C11orf54: variants seen among roughly 807,000 people sequenced by gnomAD.
C11orf54 encodes the protein beta-keto-L-gulonate decarboxylase, also known as beta-keto L-gulonate decarboxylase.
Under a neutral mutation model 35.5 loss-of-function variants are expected in C11orf54, and 29 were observed. That is an observed-to-expected ratio of 0.82 (90% CI 0.61 to 1.11). C11orf54 has a LOEUF of 1.11. C11orf54 is among the 50% of genes most tolerant of loss of function. C11orf54 has a pLI of 0.00. For synonymous variants in C11orf54, 108 were observed against 121.1 expected (o/e 0.89, Z 0.71); for missense variants, 373 against 369.2 (o/e 1.01, Z -0.08).
chr11:93,751,444 C>T (rs1942823502), intron 3 of C11orf54, among the ~76,000 whole-genome samples: 2 of 138,002 alleles, frequency 1.4e-5, no homozygotes, highest in Non-Finnish European at 3.0e-5. Flanking sequence ...CTCACTCTGT[C>T]ACCAGGCTGG....
chr11:93,747,264 TTA>T, intron 1 of C11orf54, 31 bp from the exon 2 acceptor site: 1 of 582,846 alleles, frequency 1.7e-6, no homozygotes, highest in East Asian at 3.1e-5. Flanking sequence ...TTTGTTCTGT[TTA>T]TATGTTTGAA....
At chr11:93,749,504 C>CAAAAAAAAA (rs10624807) in intron 2 of C11orf54, among the ~76,000 whole-genome samples, 2 of 71,742 alleles carry the variant, frequency 2.8e-5, no homozygotes, top group Non-Finnish European at 2.4e-5. Context: ...GACTCTGTCT[C>CAAAAAAAAA]AAAAAAAAAA....
chr11:93,751,818 A>AACTT (rs2135614257), intron 3 of C11orf54, among the ~76,000 whole-genome samples: 2 of 135,264 alleles, frequency 1.5e-5, no homozygotes, highest in South Asian at 4.5e-4. Context: ...AAAATGGTTA[A>AACTT]TCTTTTTTTT....
At chr11:93,756,724 C>T (rs1248769935) in intron 6 of C11orf54, among the ~76,000 whole-genome samples, 1 of 152,074 alleles carries the variant, frequency 6.6e-6, no homozygotes, top group Non-Finnish European at 1.5e-5. Context: ...GTAAGGAAAA[C>T]TAATGCCTTA....
rs1326249051 is a variant in C11orf54 at position 93,763,321 on chromosome 11, A to G, written c.*1633A>G. 6.6e-6 allele frequency: 1 copy of G among 152,210 alleles called. No individual in the cohort carries two copies. Among genetic ancestry groups the G allele is most frequent in the Non-Finnish European group, 1.5e-5 (1 of 68,046 alleles). The allele number at this position is 152,210 out of a possible 1,614,324, so 9.4% of individuals were successfully genotyped here. A position where few individuals can be genotyped will look rare whatever the true frequency, so the allele number is the denominator to read the frequency against. On this transcript the variant is annotated 3_prime_UTR_variant, in exon 9 of 9. Coordinates refer to ENST00000354421, the MANE Select transcript of C11orf54 (RefSeq NM_001286069.2). ...AGTGGGGAAGACAAACAATAAATAT[A>G]TAATATGTCAGGTGGTATTAAATGC...
chr11:93,754,980 G>T (rs1426385478), intron 5 of C11orf54: 9 of 339,756 alleles, frequency 2.6e-5, no homozygotes. Flanking sequence ...CTCGTGATCC[G>T]CCCCCCTTGG....
rs551779579 is a variant in C11orf54, at chr11:93,750,636, G to A, written c.154+192G>A. The stretch of plus-strand genomic sequence containing the variant: ...TTTCATTTCATACTCTTGTGGAAAA[G>A]GATTGTGTTTTATTCACTTATGTAA... On this transcript the variant is annotated intron_variant, in intron 3 of 8. Transcript: ENST00000354421. Among the ~76,000 whole-genome samples the A allele has an allele frequency of 5.3e-4, 80 of 152,234 alleles. No individual in the cohort carries two copies. In the Middle Eastern group the frequency reaches 0.01, roughly 19 times the overall value.
chr11:93,746,031 T>A (rs866865031), intron 1 of C11orf54: 9 of 152,200 alleles, frequency 5.9e-5, no homozygotes, highest in African/African-American at 2.2e-4. Context: ...GGAGATTAGA[T>A]TACATGTATT....
At chr11:93,759,932 G>A (rs1943368463) in intron 8 of C11orf54, 74 bp downstream of exon 8, 1 of 920,124 alleles carries the variant, frequency 1.1e-6, no homozygotes, top group Non-Finnish European at 1.6e-6. Flanking sequence ...TTAAGAACTA[G>A]GCACTTTTGT....
In C11orf54 at chr11:93,763,867, G is replaced by T. The variant is rs1943566084; in HGVS notation, c.*2179G>T. Reference sequence around the variant, plus strand: ...GGAAAGCAGGGCAGCTCCTAAGCAGGATTTGACAACAGGGAAGGAGACTGA... The same window carrying T: ...GGAAAGCAGGGCAGCTCCTAAGCAGTATTTGACAACAGGGAAGGAGACTGA... On this transcript the variant is annotated 3_prime_UTR_variant, in exon 9 of 9. Transcript: ENST00000354421. The T allele has an allele frequency of 6.6e-6, 1 of 152,412 alleles. No homozygotes were observed. The highest frequency in any genetic ancestry group is 2.1e-4 in the South Asian group (1 of 4,832). The allele number at this position is 152,412 out of a possible 1,614,324, so 9.4% of individuals were successfully genotyped here.
Position 93,759,784 on chromosome 11 carries a change from G to A in C11orf54, c.700G>A (p.Val234Met), listed in dbSNP as rs746137441. The change falls in exon 8 of 9, where the codon GTG (valine) becomes ATG (methionine). Residue 234 changes from valine (V) to methionine (M), a missense_variant. Transcript: ENST00000354421. ...CTGCCCCTTGAACTCTGATGAAGAA[G>A]TGAATAAATGGTTGCATTTTTATGA... ...SSCPLNSDEE[V>M]NKWLHFYEMK... is the part of the protein sequence containing the mutation. 1.9e-6 allele frequency: 3 copies of A among 1,609,952 alleles called. No individual in the cohort carries two copies. Among genetic ancestry groups the A allele is most frequent in the African/African-American group, 1.3e-5 (1 of 75,004 alleles).
intron 8 of C11orf54, among the ~76,000 whole-genome samples, chr11:93,760,382 C>G (rs978694685): frequency 6.6e-6 from 1 of 152,122 alleles, no homozygotes; most frequent in African/African-American, 2.4e-5. Flanking sequence ...TTAAATAACA[C>G]CCAAAATTAT....
rs1942533142 is a variant in C11orf54, at chr11:93,747,391, A to G, written c.-3A>G. 1 of 1,597,602 alleles carries G rather than the reference A, an allele frequency of 6.3e-7. No individual in the cohort carries two copies. The highest frequency in any genetic ancestry group is 1.1e-5 in the South Asian group (1 of 88,156). ...CCAACCTCACACCTAAAGAAGAAAG[A>G]AAATGGCTTGTGCTGAGTTTTCTTT... On this transcript the variant is annotated 5_prime_UTR_variant, in exon 2 of 9. Transcript: ENST00000354421.
In C11orf54 at chr11:93,757,480, G is replaced by C. The variant is rs758852457; in HGVS notation, c.657+15G>C. On this transcript the variant is annotated intron_variant, in intron 7 of 8. Coordinates refer to ENST00000354421, the MANE Select transcript of C11orf54 (RefSeq NM_001286069.2). ...CTCACATTATGGTAAGAGCCCATGT[G>C]TGCATACATGCATGAAGGAGTTTGT... 11 of 1,591,774 alleles carry C rather than the reference G, an allele frequency of 6.9e-6. No homozygotes were observed. Among genetic ancestry groups the C allele is most frequent in the Non-Finnish European group, 9.3e-6 (11 of 1,177,336 alleles).
chr11:93,745,550 C>T (rs2135578142), intron 1 of C11orf54, among the ~76,000 whole-genome samples: 1 of 152,342 alleles, frequency 6.6e-6, no homozygotes, highest in South Asian at 2.1e-4. Flanking sequence ...TTAACAGCAT[C>T]TCAAAGCAAA....
Position 93,755,191 on chromosome 11 carries a change from T to C in C11orf54, c.331-19T>C. 2 of 1,610,416 alleles carry C rather than the reference T, an allele frequency of 1.2e-6. No homozygotes were observed. The highest frequency in any genetic ancestry group is 1.7e-6 in the Non-Finnish European group (2 of 1,177,154). On this transcript the variant is annotated intron_variant, in intron 5 of 8. Transcript: ENST00000354421. The stretch of plus-strand genomic sequence containing the variant: ...TGCAGAGATACAAAGATTGACTAAT[T>C]GCCTCACTTTCTTTTCAGTTTATGC...
At chr11:93,758,447 AGCTGCCCAAACCGTG>A (rs1156890348) in intron 7 of C11orf54, among the ~76,000 whole-genome samples, 2 of 152,222 alleles carry the variant, frequency 1.3e-5, no homozygotes, top group Non-Finnish European at 2.9e-5. Flanking sequence ...ACACAGCTGC[AGCTGCCCAAACCGTG>A]GCTGCGGACC....
At position 93,755,553 on chromosome 11, in the gene C11orf54, C is replaced by G. The variant is rs535831042; in HGVS notation, c.507+167C>G. Among the ~76,000 whole-genome samples, 3 of 151,860 alleles carry G rather than the reference C, an allele frequency of 2.0e-5. No homozygotes were observed. In the South Asian group the frequency reaches 6.2e-4, roughly 32 times the overall value. On this transcript the variant is annotated intron_variant, in intron 6 of 8. Coordinates refer to ENST00000354421, the MANE Select transcript of C11orf54 (RefSeq NM_001286069.2). ...TCAACTTGAGGTCAGGAGTTCAAGA[C>G]CAGCCTGGTCAACATGGTGAAACCC...
intron 3 of C11orf54, among the ~76,000 whole-genome samples, chr11:93,752,904 G>A (rs1359109061): frequency 2.6e-5 from 4 of 151,828 alleles, no homozygotes; most frequent in African/African-American, 9.7e-5. Context: ...TGAGTAGTAC[G>A]CCCGGCTAAT....
Sources: allele counts gnomAD v4.1 joint callset (sites outside exome capture counted in the v4.1 genomes callset), GRCh38; gene constraint gnomAD v4.1.1; transcripts MANE v1.5; gene names NCBI Gene and HGNC (gene_info 2026-07-23, HGNC 2026-07-21).